PHEX: variants seen among roughly 807,000 people sequenced by gnomAD.
PHEX encodes the protein phosphate-regulating neutral endopeptidase PHEX.
A neutral mutation model predicts 68.0 loss-of-function variants in PHEX; 16 were observed. That is an observed-to-expected ratio of 0.24 (90% confidence interval 0.16 to 0.36). The LOEUF (loss-of-function observed/expected upper bound fraction) is 0.36, where lower values mean the gene tolerates loss of function less well. PHEX is among the 10% of genes least tolerant of loss of function. The pLI, the probability that PHEX is intolerant of heterozygous loss-of-function variation, is 1.00. For missense variants in PHEX, 480 were observed against 575.5 expected, an observed-to-expected ratio of 0.83 and a Z score of 1.70; for synonymous variants, 208 against 205.1, an observed-to-expected ratio of 1.01 and a Z score of -0.12.
At chrX:22,199,025 A>G (rs1159736203) in intron 15 of PHEX, among the ~76,000 whole-genome samples, 6 of 111,502 alleles carry the variant, frequency 5.4e-5, no homozygotes. Context: ...CTTATTCACT[A>G]TCATGAGAAC....
intron 5 of PHEX, among the ~76,000 whole-genome samples, chrX:22,089,621 A>G (rs1929786821): frequency 9.3e-6 from 1 of 107,125 alleles, no homozygotes; most frequent in African/African-American, 3.4e-5. Context: ...GGGTTTCACC[A>G]CGTTGGCCAG....
At chrX:22,192,417 C>T (rs1177758681) in intron 15 of PHEX, among the ~76,000 whole-genome samples, 1 of 111,709 alleles carries the variant, frequency 9.0e-6, no homozygotes, top group Non-Finnish European at 1.9e-5. Flanking sequence ...AGACGTTTTA[C>T]AATCACATCG....
chrX:22,097,311 C>G (rs1930184784), intron 8 of PHEX, among the ~76,000 whole-genome samples: 1 of 112,318 alleles, frequency 8.9e-6, no homozygotes, highest in African/African-American at 3.2e-5. Flanking sequence ...GGCATTGGCT[C>G]AGCTGTTTAA....
chrX:22,224,693 C>CAAAG (rs773355304), intron 18 of PHEX, among the ~76,000 whole-genome samples: 5 of 110,579 alleles, frequency 4.5e-5, no homozygotes, highest in South Asian at 3.9e-4. Flanking sequence ...CTGTGGATAA[C>CAAAG]AAAGAATATA....
chrX:22,244,722 A>G (rs1936341484), intron 20 of PHEX, among the ~76,000 whole-genome samples: 1 of 112,096 alleles, frequency 8.9e-6, no homozygotes, highest in Non-Finnish European at 1.9e-5. Context: ...TTAGTGTAGC[A>G]TCTTAAATTG....
At position 22,127,455 on chromosome X, in the gene PHEX, T is replaced by G. The variant is rs188506238; in HGVS notation, c.1303-6068T>G. On this transcript the variant is annotated intron_variant, in intron 11 of 21. Coordinates refer to ENST00000379374, the MANE Select transcript of PHEX (RefSeq NM_000444.6). ...TTTCTTATTTTAAAATTACAGCAGG[T>G]TTTTGACTTGACTGAAGGCAATGTT... 8.0e-3 allele frequency among the ~76,000 whole-genome samples: 892 copies of G among 110,967 alleles called. 9 individuals are homozygous for G. Among genetic ancestry groups the G allele is most frequent in the African/African-American group, 0.028 (851 of 30,543 alleles).
chrX:22,225,164 G>A (rs967257398), intron 18 of PHEX, among the ~76,000 whole-genome samples: 5 of 107,533 alleles, frequency 4.6e-5, no homozygotes, highest in Non-Finnish European at 9.6e-5. Flanking sequence ...GCACTGGCCG[G>A]TGGAGTCTTC....
At chrX:22,175,517 A>G (rs1388374359) in intron 13 of PHEX, among the ~76,000 whole-genome samples, 3 of 110,918 alleles carry the variant, frequency 2.7e-5, no homozygotes. Flanking sequence ...CACCTGGTTA[A>G]TTTTCATATT....
At chrX:22,147,057 G>A (rs960230783) in intron 12 of PHEX, among the ~76,000 whole-genome samples, 9 of 110,606 alleles carry the variant, frequency 8.1e-5, no homozygotes, top group African/African-American at 2.6e-4. Context: ...GACCCAAAGC[G>A]GAGAGAGATG....
intron 20 of PHEX, among the ~76,000 whole-genome samples, chrX:22,241,492 G>C (rs773881445): frequency 1.8e-5 from 2 of 111,247 alleles, no homozygotes; most frequent in South Asian, 7.6e-4. Flanking sequence ...CCAGGAGCTG[G>C]CTTTTCAAAA....
At chrX:22,242,969 C>T (rs970306983) in intron 20 of PHEX, among the ~76,000 whole-genome samples, 1 of 111,823 alleles carries the variant, frequency 8.9e-6, no homozygotes, top group Non-Finnish European at 1.9e-5. Context: ...GCCCATATAA[C>T]CAAGACAGTC....
At chrX:22,178,594 ACATAT>A (rs1933785847) in intron 14 of PHEX, among the ~76,000 whole-genome samples, 1 of 111,808 alleles carries the variant, frequency 8.9e-6, no homozygotes, top group Non-Finnish European at 1.9e-5. Context: ...TAGCATCAAC[ACATAT>A]CAAGAGAAGG....
intron 3 of PHEX, among the ~76,000 whole-genome samples, chrX:22,065,021 G>A (rs774041985): frequency 9.8e-5 from 11 of 112,275 alleles, no homozygotes; most frequent in African/African-American, 3.5e-4. Context: ...GCTTTAAAGC[G>A]TCAAGAGAAC....
chrX:22,038,560 G>T (rs1249435919), intron 2 of PHEX, 23 bp downstream of exon 2: 1 of 1,034,925 alleles, frequency 9.7e-7, no homozygotes, highest in African/African-American at 1.9e-5. Flanking sequence ...TTTCCATCCT[G>T]TGTCAAGTTA....
At chrX:22,038,245 C>T (rs182155997) in intron 1 of PHEX, among the ~76,000 whole-genome samples, 65 of 111,006 alleles carry the variant, frequency 5.9e-4, no homozygotes, top group Non-Finnish European at 1.1e-3. Context: ...ACTTATCTTA[C>T]GTACGAGAGA....
intron 12 of PHEX, chrX:22,162,617 G>A (rs943009570): frequency 8.9e-6 from 1 of 112,323 alleles, no homozygotes; most frequent in African/African-American, 3.2e-5. Context: ...CTGAACTCTT[G>A]CAGACAATGC....
At chrX:22,167,832 T>G (rs1933386279) in intron 12 of PHEX, among the ~76,000 whole-genome samples, 1 of 111,321 alleles carries the variant, frequency 9.0e-6, no homozygotes, top group African/African-American at 3.3e-5. Context: ...TTTGCTTTCT[T>G]GATATTGAGT....
At chrX:22,246,043 A>G in intron 21 of PHEX, among the ~76,000 whole-genome samples, 1 of 112,183 alleles carries the variant, frequency 8.9e-6, no homozygotes, top group Non-Finnish European at 1.9e-5. Flanking sequence ...ATTTATATCT[A>G]GAGTTAGAGA....
chrX:22,106,795 AAC>A (rs1556028229), intron 9 of PHEX, among the ~76,000 whole-genome samples: 1 of 107,456 alleles, frequency 9.3e-6, no homozygotes, highest in African/African-American at 3.5e-5. Flanking sequence ...AAAAAAAAAA[AAC>A]CAAATAGAGG....
Sources: allele counts gnomAD v4.1 joint callset (sites outside exome capture counted in the v4.1 genomes callset), GRCh38; gene constraint gnomAD v4.1.1; transcripts MANE v1.5; gene names NCBI Gene and HGNC (gene_info 2026-07-23, HGNC 2026-07-21).